GULP1: variants seen among roughly 807,000 people sequenced by gnomAD.
GULP1 encodes PTB domain-containing engulfment adapter protein 1.
Under a neutral mutation model 40.9 loss-of-function variants are expected in GULP1, and 19 were observed. The ratio of observed to expected loss-of-function variants is 0.46; its 90% CI spans 0.32 to 0.68. The LOEUF (loss-of-function observed/expected upper bound fraction) is 0.68, where lower values mean the gene tolerates loss of function less well. GULP1 is among the 30% of genes least tolerant of loss of function. The pLI, the probability that GULP1 is intolerant of heterozygous loss-of-function variation, is 0.03. For missense variants in GULP1, 312 were observed against 362.2 expected (o/e 0.86, Z 1.12); for synonymous variants, 119 against 117.6 (o/e 1.01, Z -0.08).
At chr2:188,443,854 T>C (rs1234645756) in intron 2 of GULP1, among the ~76,000 whole-genome samples, 1 of 152,154 alleles carries the variant, frequency 6.6e-6, no homozygotes, top group African/African-American at 2.4e-5. Context: ...AATGAATTTC[T>C]AATTCTAATT....
intron 4 of GULP1, among the ~76,000 whole-genome samples, chr2:188,515,214 G>A (rs746251066): frequency 2.6e-5 from 4 of 151,880 alleles, no homozygotes; most frequent in Non-Finnish European, 4.4e-5. Flanking sequence ...TCTGGCAACC[G>A]CATTCAGGAG....
chr2:188,399,702 A>AAC (rs1553540251), intron 2 of GULP1, among the ~76,000 whole-genome samples: 1 of 149,176 alleles, frequency 6.7e-6, no homozygotes. Context: ...AAAAAAAAAA[A>AAC]AAAAAAAAAA....
intron 2 of GULP1, among the ~76,000 whole-genome samples, chr2:188,398,699 A>G (rs1343869999): frequency 6.6e-6 from 1 of 152,180 alleles, no homozygotes; most frequent in Non-Finnish European, 1.5e-5. Flanking sequence ...TATTCATACT[A>G]TGATGTATCA....
intron 3 of GULP1, among the ~76,000 whole-genome samples, chr2:188,480,188 A>G (rs1388677669): frequency 6.6e-6 from 1 of 152,082 alleles, no homozygotes. Flanking sequence ...ATTGTTTGAG[A>G]GAATTTGTAT....
intron 1 of GULP1, among the ~76,000 whole-genome samples, chr2:188,311,910 C>T (rs1180069271): frequency 6.7e-6 from 1 of 148,722 alleles, no homozygotes; most frequent in Non-Finnish European, 1.5e-5. Context: ...TATTAATACA[C>T]ATATACCTTG....
intron 1 of GULP1, among the ~76,000 whole-genome samples, chr2:188,374,093 T>A (rs1018120482): frequency 6.6e-6 from 1 of 152,116 alleles, no homozygotes; most frequent in African/African-American, 2.4e-5. Flanking sequence ...GTATATATAA[T>A]TCTTAAAATC....
At chr2:188,350,205 T>C (rs1411338484) in intron 1 of GULP1, among the ~76,000 whole-genome samples, 3 of 152,074 alleles carry the variant, frequency 2.0e-5, no homozygotes, top group Non-Finnish European at 2.9e-5. Flanking sequence ...CTATATGAAT[T>C]TTGGGATCAG....
intron 2 of GULP1, among the ~76,000 whole-genome samples, chr2:188,384,725 G>A (rs1574906672): frequency 6.6e-6 from 1 of 152,192 alleles, no homozygotes; most frequent in Admixed American, 6.5e-5. Context: ...TACAGGAATT[G>A]GGTAGATACA....
At chr2:188,442,214 T>C (rs1246945886) in intron 2 of GULP1, among the ~76,000 whole-genome samples, 1 of 152,220 alleles carries the variant, frequency 6.6e-6, no homozygotes, top group Non-Finnish European at 1.5e-5. Context: ...GAATAATATA[T>C]GGAGACTTAG....
intron 1 of GULP1, among the ~76,000 whole-genome samples, chr2:188,366,593 T>C (rs1340852446): frequency 3.9e-4 from 56 of 142,330 alleles, no homozygotes; most frequent in Admixed American, 2.0e-3. Context: ...ACTTTCTTTT[T>C]TTTTTTTTTT....
intron 11 of GULP1, chr2:188,592,102 A>C (rs1405537966): frequency 4.6e-5 from 7 of 151,986 alleles, no homozygotes; most frequent in Non-Finnish European, 1.0e-4. Flanking sequence ...TTATTATTAA[A>C]ATAGTGATTG....
At chr2:188,505,468 G>A (rs2063810684) in intron 4 of GULP1, among the ~76,000 whole-genome samples, 1 of 151,688 alleles carries the variant, frequency 6.6e-6, no homozygotes, top group Non-Finnish European at 1.5e-5. Context: ...ATACTATGAA[G>A]CATATTATAA....
chr2:188,522,887 T>C (rs1471619630), intron 5 of GULP1, 60 bp downstream of exon 5: 8 of 1,037,194 alleles, frequency 7.7e-6, no homozygotes, highest in Non-Finnish European at 1.2e-5. Context: ...TTTCAGCAGA[T>C]TGATGGAGAT....
chr2:188,550,856 C>G (rs1386949785), intron 7 of GULP1, among the ~76,000 whole-genome samples: 1 of 151,440 alleles, frequency 6.6e-6, no homozygotes, highest in Non-Finnish European at 1.5e-5. Context: ...GATTAGCCAT[C>G]CAACTTAATG....
intron 1 of GULP1, among the ~76,000 whole-genome samples, chr2:188,369,772 A>C (rs2047356780): frequency 6.6e-6 from 1 of 152,136 alleles, no homozygotes; most frequent in Non-Finnish European, 1.5e-5. Context: ...CTCCAGCTAC[A>C]AACAGACTAA....
At chr2:188,352,801 A>G (rs530164428) in intron 1 of GULP1, among the ~76,000 whole-genome samples, 1 of 152,306 alleles carries the variant, frequency 6.6e-6, no homozygotes, top group South Asian at 2.1e-4. Flanking sequence ...GAAAATGTTA[A>G]GTATATAAAT....
chr2:188,352,829 A>G (rs1224975801), intron 1 of GULP1, among the ~76,000 whole-genome samples: 1 of 152,204 alleles, frequency 6.6e-6, no homozygotes, highest in South Asian at 2.1e-4. Context: ...TTCTAGATTC[A>G]TTATACATTG....
intron 1 of GULP1, among the ~76,000 whole-genome samples, chr2:188,376,220 A>G (rs2048280555): frequency 6.6e-6 from 1 of 152,226 alleles, no homozygotes; most frequent in African/African-American, 2.4e-5. Context: ...ATTAAATGTA[A>G]TTAAATCTAT....
intron 2 of GULP1, among the ~76,000 whole-genome samples, chr2:188,474,883 GA>G (rs2060881171): frequency 1.3e-5 from 2 of 152,032 alleles, no homozygotes; most frequent in South Asian, 4.1e-4. Flanking sequence ...CAATATTTGT[GA>G]AAAGTTTCTC....
Sources: allele counts gnomAD v4.1 joint callset (sites outside exome capture counted in the v4.1 genomes callset), GRCh38; gene constraint gnomAD v4.1.1; transcripts MANE v1.5; gene names NCBI Gene and HGNC (gene_info 2026-07-23, HGNC 2026-07-21).